The following TBCK variants were observed in gnomAD, a reference collection of about 807,000 sequenced individuals.
TBCK encodes TBC domain-containing protein kinase-like protein.
Under a neutral mutation model 113.4 loss-of-function variants are expected in TBCK, and 99 were observed. The ratio of observed to expected loss-of-function variants is 0.87; its 90% confidence interval spans 0.74 to 1.03. TBCK has a LOEUF of 1.03. Among genes scored for constraint, TBCK ranks in the 50% least tolerant of loss-of-function variants. TBCK has a pLI of 0.00. For synonymous variants in TBCK, 369 were observed against 370.8 expected (o/e 1.00, Z 0.05); for missense variants, 1,045 against 1,061.3 (o/e 0.98, Z 0.21).
At chr4:106,163,131 T>G (rs13328056) in intron 23 of TBCK, 2 of 151,988 alleles carry the variant, frequency 1.3e-5, no homozygotes, top group African/African-American at 4.8e-5. Context: ...GGCAAAATGC[T>G]GCCAGTTTCT....
At position 106,095,612 on chromosome 4, in the gene TBCK, A is replaced by G; in HGVS notation, c.2441T>C (p.Ile814Thr). Residue 814 changes from isoleucine to threonine, a missense_variant, in exon 25 of 26, where the codon ATC becomes ACC. Coordinates refer to ENST00000394708, the MANE Select transcript of TBCK (RefSeq NM_001163435.3). ...DFIRGHISGS[I>T]NIPFSAAFTA... ...GAAGGCAGCACTGAATGGAATGTTG[A>G]TGCTTCCTGAAATGTGACCACGAAT... 6.2e-7 allele frequency: 1 copy of G among 1,613,830 alleles called. No homozygotes were observed. Among genetic ancestry groups the G allele is most frequent in the Non-Finnish European group, 8.5e-7 (1 of 1,179,862 alleles).
At chr4:106,235,496 TTG>T in intron 14 of TBCK, 129 bp from the exon 15 acceptor site, 1 of 518,070 alleles carries the variant, frequency 1.9e-6, no homozygotes, top group South Asian at 3.4e-5. Flanking sequence ...TGTGCAATTA[TTG>T]TGTCTGGTGT....
At position 106,116,349 on chromosome 4, in the gene TBCK, C is replaced by T; in HGVS notation, c.2265G>A (p.Leu755=). 1 of 1,611,576 alleles carries T rather than the reference C, an allele frequency of 6.2e-7. No homozygotes were observed. Among genetic ancestry groups the T allele is most frequent in the South Asian group, 1.1e-5 (1 of 90,744 alleles). The stretch of plus-strand genomic sequence containing the variant: ...AAATCCGTGGTGATACTTCTGACTT[C>T]AGGTCATTTAATGGGATGGATTCTC... ...LSRESIPLND[L]KSEVSPRISA... The change falls in exon 24 of 26, where the codon CTG becomes CTA. Residue 755 remains leucine, a synonymous_variant. Transcript: ENST00000394708.
chr4:106,243,282 T>A (rs1255455814), intron 11 of TBCK, among the ~76,000 whole-genome samples: 3 of 152,072 alleles, frequency 2.0e-5, no homozygotes, highest in Admixed American at 2.0e-4. Flanking sequence ...AGTACTCTCC[T>A]GACATTAACT....
At chr4:106,067,299 A>C (rs574524234) in intron 25 of TBCK, among the ~76,000 whole-genome samples, 1 of 152,250 alleles carries the variant, frequency 6.6e-6, no homozygotes, top group Admixed American at 6.5e-5. Context: ...TGTCTACTCA[A>C]GTCTTTTGCC....
rs1734187198 is a variant in TBCK at position 106,046,031 on chromosome 4, G to A, written c.*539C>T. 6.6e-6 allele frequency: 1 copy of A among 150,792 alleles called. No individual in the cohort carries two copies. The highest frequency in any genetic ancestry group is 2.5e-5 in the African/African-American group (1 of 40,482). 9.3% of individuals were successfully genotyped at this position (150,792 alleles called of 1,614,324 possible). A position where few individuals can be genotyped will look rare whatever the true frequency, so the allele number is the denominator to read the frequency against. ...AGTAAGTATTACCACTTTCTGCAAT[G>A]GGATAAACTCCACTTCCTATACACA... On this transcript the variant is annotated 3_prime_UTR_variant, in exon 26 of 26. Coordinates refer to ENST00000394708, the MANE Select transcript of TBCK (RefSeq NM_001163435.3).
intron 3 of TBCK, among the ~76,000 whole-genome samples, chr4:106,277,888 T>C (rs1764184515): frequency 6.6e-6 from 1 of 152,226 alleles, no homozygotes; most frequent in South Asian, 2.1e-4. Flanking sequence ...TATTGAAATG[T>C]AGTTAGTTGT....
At chr4:106,133,453 G>C (rs1295930657) in intron 23 of TBCK, among the ~76,000 whole-genome samples, 1 of 152,068 alleles carries the variant, frequency 6.6e-6, no homozygotes, top group Non-Finnish European at 1.5e-5. Flanking sequence ...TTAGTAGATT[G>C]AGAACAGACT....
At chr4:106,215,640 G>C (rs950192918) in intron 19 of TBCK, among the ~76,000 whole-genome samples, 2 of 152,154 alleles carry the variant, frequency 1.3e-5, no homozygotes, top group African/African-American at 4.8e-5. Context: ...TAATGGTAAA[G>C]GGATCAATTC....
chr4:106,101,568 G>A (rs1741559302), intron 24 of TBCK, among the ~76,000 whole-genome samples: 1 of 152,168 alleles, frequency 6.6e-6, no homozygotes. Context: ...GTGCCATAAT[G>A]AAATAATGAA....
At chr4:106,202,503 A>C (rs905521077) in intron 20 of TBCK, among the ~76,000 whole-genome samples, 1 of 151,996 alleles carries the variant, frequency 6.6e-6, no homozygotes, top group Non-Finnish European at 1.5e-5. Context: ...TTGTTTTTTT[A>C]CGTTTTCATT....
chr4:106,118,008 CA>C (rs1006398569), intron 23 of TBCK, among the ~76,000 whole-genome samples: 62 of 76,378 alleles, frequency 8.1e-4, no homozygotes, highest in Non-Finnish European at 8.8e-4. Context: ...GACTCCGTCT[CA>C]AAAAAAAAAA....
At chr4:106,236,013 AT>A (rs1487861292) in intron 14 of TBCK, among the ~76,000 whole-genome samples, 1 of 151,858 alleles carries the variant, frequency 6.6e-6, no homozygotes, top group Non-Finnish European at 1.5e-5. Flanking sequence ...TCCTATTTTA[AT>A]TTGTATTTTT....
chr4:106,293,091 A>T (rs998714177), intron 3 of TBCK, among the ~76,000 whole-genome samples: 6 of 152,228 alleles, frequency 3.9e-5, no homozygotes, highest in African/African-American at 1.4e-4. Flanking sequence ...ATGGGAAGGA[A>T]TAGATCCGCA....
intron 20 of TBCK, among the ~76,000 whole-genome samples, chr4:106,206,951 T>C (rs1324049267): frequency 1.3e-5 from 2 of 152,186 alleles, no homozygotes; most frequent in African/African-American, 4.8e-5. Flanking sequence ...TTTCTCTTAA[T>C]GGTTACCTGA....
intron 25 of TBCK, among the ~76,000 whole-genome samples, chr4:106,068,026 G>T (rs1398435332): frequency 1.3e-5 from 2 of 151,986 alleles, no homozygotes; most frequent in African/African-American, 4.8e-5. Context: ...AAATGCAATT[G>T]GGATTTTTAT....
intron 23 of TBCK, among the ~76,000 whole-genome samples, chr4:106,120,258 C>T (rs547555583): frequency 2.2e-4 from 33 of 152,164 alleles, no homozygotes; most frequent in African/African-American, 7.7e-4. Flanking sequence ...CTTTTCGGAC[C>T]CCCTTAAAAA....
intron 22 of TBCK, 112 bp from the exon 23 acceptor site, chr4:106,171,382 G>A: frequency 2.7e-6 from 2 of 739,932 alleles, no homozygotes; most frequent in East Asian, 6.1e-5. Context: ...AAGATGATAA[G>A]TTATTAGAAA....
At chr4:106,216,877 A>G (rs1158008326) in intron 19 of TBCK, among the ~76,000 whole-genome samples, 3 of 151,836 alleles carry the variant, frequency 2.0e-5, no homozygotes, top group African/African-American at 4.8e-5. Flanking sequence ...TGAGGCCAGC[A>G]TCATTCTGAT....
Sources: gnomAD v4.1 joint callset for allele counts (sites outside exome capture counted in the v4.1 genomes callset) on GRCh38, gnomAD v4.1.1 for gene constraint, MANE v1.5 for transcripts, NCBI Gene and HGNC (gene_info 2026-07-23, HGNC 2026-07-21) for gene names.